The following PLS3 variants were observed in gnomAD, a reference collection of about 807,000 sequenced individuals.
PLS3 encodes the protein plastin 3.
PLS3 carries 11 observed loss-of-function variants against 46.5 expected under a neutral mutation model. The ratio of observed to expected loss-of-function variants is 0.24; its 90% confidence interval spans 0.15 to 0.39. The LOEUF is 0.39. Ranked by LOEUF, PLS3 falls within the 10% of genes least tolerant of loss-of-function variation. PLS3 has a pLI of 1.00. For synonymous variants in PLS3, 167 were observed against 162.2 expected, an observed-to-expected ratio of 1.03 and a Z score of -0.22; for missense variants, 308 against 461.8, an observed-to-expected ratio of 0.67 and a Z score of 3.05.
chrX:115,563,800 G>T (rs1316296411), intron 1 of PLS3, among the ~76,000 whole-genome samples: 1 of 111,868 alleles, frequency 8.9e-6, no homozygotes, highest in Admixed American at 9.5e-5. Context: ...AGATGAGCTG[G>T]AAATGGATTT....
At chrX:115,621,099 C>A (rs782553785) in intron 2 of PLS3, among the ~76,000 whole-genome samples, 1 of 110,318 alleles carries the variant, frequency 9.1e-6, no homozygotes, top group Non-Finnish European at 1.9e-5. Context: ...CTGCAACCTC[C>A]GCCTCCCAGG....
Position 115,561,330 on chromosome X carries a change from C to G in PLS3, c.-9+70C>G, listed in dbSNP as rs1211684602. The G allele has an allele frequency of 6.4e-5, 7 of 110,042 alleles. No individual in the cohort carries two copies. The Admixed American group carries it at 6.8e-4, about 11-fold the overall frequency. 9.1% of individuals were successfully genotyped at this position (110,042 alleles called of 1,213,427 possible). A position where few individuals can be genotyped will look rare whatever the true frequency, so the allele number is the denominator to read the frequency against. ...CCTGGGCGTGGGCAGGAGTGGGTCC[C>G]GGGGAGAGCATCTCGGTTAAGCTCA... On this transcript the variant is annotated intron_variant, in intron 1 of 15. Transcript: ENST00000355899.
intron 1 of PLS3, among the ~76,000 whole-genome samples, chrX:115,602,581 G>A (rs1040645742): frequency 9.0e-6 from 1 of 111,490 alleles, no homozygotes; most frequent in African/African-American, 3.3e-5. Context: ...TGCCTGTTTT[G>A]GATGGAGGAA....
chrX:115,624,526 T>G (rs1168972341), intron 3 of PLS3: 1 of 111,778 alleles, frequency 8.9e-6, no homozygotes, highest in Non-Finnish European at 1.9e-5. Flanking sequence ...TAAAATGTAT[T>G]GCTCAGAATT....
intron 9 of PLS3, 131 bp downstream of exon 9, chrX:115,640,634 GTA>G: frequency 2.5e-6 from 1 of 397,781 alleles, no homozygotes; most frequent in Admixed American, 4.4e-5. Context: ...ATGTATTACT[GTA>G]CATGTAATTC....
At chrX:115,576,032 T>C (rs1416303887) in intron 1 of PLS3, among the ~76,000 whole-genome samples, 2 of 112,126 alleles carry the variant, frequency 1.8e-5, no homozygotes, top group African/African-American at 6.5e-5. Context: ...AAAAGCATTA[T>C]TGAGCACAGC....
At chrX:115,576,065 A>G (rs782114506) in intron 1 of PLS3, among the ~76,000 whole-genome samples, 2 of 112,246 alleles carry the variant, frequency 1.8e-5, no homozygotes, top group South Asian at 7.4e-4. Flanking sequence ...TTTTAAATGT[A>G]CTATTCAAGT....
At chrX:115,639,795 A>G (rs2074876377) in intron 8 of PLS3, 1 of 377,707 alleles carries the variant, frequency 2.6e-6, no homozygotes, top group Admixed American at 3.0e-5. Flanking sequence ...TGTTTTATGT[A>G]TTGGGATTCT....
chrX:115,598,845 T>C (rs2074414047), intron 1 of PLS3, among the ~76,000 whole-genome samples: 1 of 111,579 alleles, frequency 9.0e-6, no homozygotes, highest in Admixed American at 9.6e-5. Flanking sequence ...TTTCAGAATA[T>C]TGCCTGTTTT....
intron 1 of PLS3, among the ~76,000 whole-genome samples, chrX:115,589,275 A>T (rs116281791): frequency 0.029 from 3,188 of 111,633 alleles, 122 homozygotes; most frequent in African/African-American, 0.099. Flanking sequence ...CCTGGCCAGA[A>T]TATTGAAATT....
At chrX:115,644,065 C>A (rs1391192680) in intron 10 of PLS3, among the ~76,000 whole-genome samples, 1 of 111,087 alleles carries the variant, frequency 9.0e-6, no homozygotes, top group Non-Finnish European at 1.9e-5. Flanking sequence ...AGGGTTAGAC[C>A]ACTTTTTAAT....
intron 11 of PLS3, among the ~76,000 whole-genome samples, chrX:115,645,654 G>T (rs2074943909): frequency 9.0e-6 from 1 of 111,102 alleles, no homozygotes; most frequent in Non-Finnish European, 1.9e-5. Flanking sequence ...AAGATTTCCT[G>T]ACTACCACCT....
intron 1 of PLS3, among the ~76,000 whole-genome samples, chrX:115,600,323 C>T (rs2074430615): frequency 9.3e-6 from 1 of 107,098 alleles, no homozygotes; most frequent in Non-Finnish European, 1.9e-5. Context: ...GAAGGAGTCT[C>T]GCTATGTTGT....
At chrX:115,578,679 C>T (rs2074262723) in intron 1 of PLS3, among the ~76,000 whole-genome samples, 2 of 73,226 alleles carry the variant, frequency 2.7e-5, no homozygotes, top group African/African-American at 1.1e-4. Flanking sequence ...GAGCCGAGAT[C>T]ACGCCACTGC....
At chrX:115,625,527 C>A (rs1274819428) in intron 3 of PLS3, among the ~76,000 whole-genome samples, 1 of 108,442 alleles carries the variant, frequency 9.2e-6, no homozygotes, top group Non-Finnish European at 1.9e-5. Flanking sequence ...AAGTAAGCTG[C>A]CCAGAACAGT....
At chrX:115,605,937 TAAATTCCTTGAGGGCA>T (rs1417536975) in intron 1 of PLS3, among the ~76,000 whole-genome samples, 1 of 110,175 alleles carries the variant, frequency 9.1e-6, no homozygotes, top group Non-Finnish European at 1.9e-5. Context: ...TCGCAGATTG[TAAATTCCTTGAGGGCA>T]AGAACTAGGT....
At chrX:115,633,155 G>A (rs1387978705) in intron 5 of PLS3, among the ~76,000 whole-genome samples, 3 of 106,225 alleles carry the variant, frequency 2.8e-5, no homozygotes, top group Non-Finnish European at 2.0e-5. Flanking sequence ...CAACTACTAT[G>A]CACATATTTT....
intron 11 of PLS3, 22 bp from the exon 12 acceptor site, chrX:115,646,050 T>G (rs782557943): frequency 2.2e-6 from 2 of 912,629 alleles, no homozygotes; most frequent in Non-Finnish European, 1.6e-6. Flanking sequence ...AAACACTGAT[T>G]ACATTATTTT....
intron 1 of PLS3, among the ~76,000 whole-genome samples, chrX:115,606,868 A>G (rs1006830608): frequency 9.0e-6 from 1 of 111,136 alleles, no homozygotes; most frequent in Non-Finnish European, 1.9e-5. Context: ...AGGTCTCACT[A>G]TGTTTCCCAG....
Sources: allele counts gnomAD v4.1 joint callset (sites outside exome capture counted in the v4.1 genomes callset), GRCh38; gene constraint gnomAD v4.1.1; transcripts MANE v1.5; gene names NCBI Gene and HGNC (gene_info 2026-07-23, HGNC 2026-07-21).